XKR8: variants seen among roughly 807,000 people sequenced by gnomAD.
XKR8 encodes the protein XK related 8.
A neutral mutation model predicts 17.1 loss-of-function variants in XKR8; 10 were observed. The ratio of observed to expected loss-of-function variants is 0.59; its 90% CI spans 0.36 to 0.99. XKR8 has a LOEUF of 0.99. XKR8 is among the 50% of genes least tolerant of loss of function. The probability of loss-of-function intolerance (pLI) is 0.01; values close to 1 mark genes in which losing one functional copy is unlikely to be tolerated. For synonymous variants in XKR8, 213 were observed against 251.9 expected (o/e 0.85, Z 1.46); for missense variants, 411 against 515.6 (o/e 0.80, Z 1.96).
intron 1 of XKR8, 101 bp from the exon 2 acceptor site, chr1:27,963,396 G>A (rs1638507752): frequency 1.4e-6 from 2 of 1,389,264 alleles, no homozygotes; most frequent in Admixed American, 4.8e-5. Flanking sequence ...TGGATGTGAG[G>A]AGACAGGTTG....
chr1:27,966,483 T>A lies in XKR8; in HGVS notation c.491-20T>A. 6.3e-7 allele frequency: 1 copy of A among 1,593,130 alleles called. No homozygotes were observed. Among genetic ancestry groups the A allele is most frequent in the Non-Finnish European group, 8.6e-7 (1 of 1,167,028 alleles). The stretch of plus-strand genomic sequence containing the variant: ...AGCAGGCTGGCCCCAGGACTCACTG[T>A]TCCCTCCTACTCTTTGCAGGGGTTG... On this transcript the variant is annotated intron_variant, in intron 2 of 2. Transcript: ENST00000373884. The surrounding 1 kb of genome is among the most constrained non-coding windows in gnomAD (Gnocchi z 4.3).
rs530571027 is a variant in XKR8 at position 27,961,972 on chromosome 1, CTCCA to C, written c.294-1521_294-1518del. On this transcript the variant is annotated intron_variant, in intron 1 of 2. Coordinates refer to ENST00000373884, the MANE Select transcript of XKR8 (RefSeq NM_018053.4). The stretch of plus-strand genomic sequence containing the variant: ...TGGACTCTCTTAACTCCGCCCCAAT[CTCCA>C]TCCTTAACCACTCAGGGCCAGCCTC... Among the ~76,000 whole-genome samples the C allele has an allele frequency of 1.8e-4, 27 of 152,196 alleles. 1 individual carries two copies. The highest frequency in any genetic ancestry group is 5.9e-5 in the Non-Finnish European group (4 of 68,042).
chr1:27,962,078 T>A (rs1638479403), intron 1 of XKR8, among the ~76,000 whole-genome samples: 1 of 152,146 alleles, frequency 6.6e-6, no homozygotes, highest in African/African-American at 2.4e-5. Flanking sequence ...CAGAGTCTGA[T>A]TCCATCTGGC....
In XKR8 at chr1:27,966,429, A is replaced by G; in HGVS notation, c.491-74A>G. ...CCCCAGGGTTGCTGGGAGGGCCCCC[A>G]CGGTACCTGTGACCGCTGGGGAGTG... On this transcript the variant is annotated intron_variant, in intron 2 of 2. Transcript: ENST00000373884. This position sits in a 1 kb window ranked among gnomAD's most constrained non-coding sequence, Gnocchi z 4.3. 1.4e-6 allele frequency: 2 copies of G among 1,467,562 alleles called. No individual in the cohort carries two copies. The highest frequency in any genetic ancestry group is 1.9e-6 in the Non-Finnish European group (2 of 1,077,860). The allele number at this position is 1,467,562 out of a possible 1,614,324, so 90.9% of individuals were successfully genotyped here.
Position 27,963,431 on chromosome 1 carries a change from G to C in XKR8, c.294-66G>C, listed in dbSNP as rs1638508436. On this transcript the variant is annotated intron_variant, in intron 1 of 2. Transcript: ENST00000373884. ...GGAGCCTGTGTCCACTCATTAGATG[G>C]GTGGGAGGCTGAGGAATTCACAGGA... 1.0e-5 allele frequency: 16 copies of C among 1,525,746 alleles called. 1 individual carries two copies. In the South Asian group the frequency reaches 1.9e-4, roughly 18 times the overall value. 94.5% of individuals were successfully genotyped at this position (1,525,746 alleles called of 1,614,324 possible).
At position 27,965,518 on chromosome 1, in the gene XKR8, G is replaced by T. The variant is rs1638551490; in HGVS notation, c.491-985G>T. The stretch of plus-strand genomic sequence containing the variant: ...TGAGTGGGTGGCATGGGGTCAGGGT[G>T]GGTGACTCCCGGGGCTCTTCAAGCT... On this transcript the variant is annotated intron_variant, in intron 2 of 2. Transcript: ENST00000373884. The surrounding 1 kb of genome is among the most constrained non-coding windows in gnomAD (Gnocchi z 4.1). Among the ~76,000 whole-genome samples, 1 of 152,138 alleles carries T rather than the reference G, an allele frequency of 6.6e-6. No homozygotes were observed. The highest frequency in any genetic ancestry group is 6.6e-5 in the Admixed American group (1 of 15,266).
chr1:27,961,381 G>A (rs944223884), intron 1 of XKR8, among the ~76,000 whole-genome samples: 4 of 152,210 alleles, frequency 2.6e-5, no homozygotes, highest in Admixed American at 2.6e-4. Flanking sequence ...TCTTGAATCC[G>A]TTTTTACAAA....
chr1:27,961,516 G>A (rs1309511770), intron 1 of XKR8, among the ~76,000 whole-genome samples: 1 of 152,234 alleles, frequency 6.6e-6, no homozygotes, highest in African/African-American at 2.4e-5. Flanking sequence ...GGGCATGAAG[G>A]GGTGCAGTTG....
At position 27,960,271 on chromosome 1, in the gene XKR8, C is replaced by G; in HGVS notation, c.202C>G (p.Leu68Val). 6.6e-7 allele frequency: 1 copy of G among 1,520,336 alleles called. No individual in the cohort carries two copies. 94.2% of individuals were successfully genotyped at this position (1,520,336 alleles called of 1,614,324 possible). A position where few individuals can be genotyped will look rare whatever the true frequency, so the allele number is the denominator to read the frequency against. Residue 68 changes from leucine to valine, a missense_variant, in exon 1 of 3, where the codon CTG becomes GTG. Transcript: ENST00000373884. The surrounding 1 kb of genome is among the most constrained non-coding windows in gnomAD (Gnocchi z 5.9). ...GCTGCAGCTCTTCAGCTGGCTCTGG[C>G]TGCGCGCTGACCCTGCCGGCCTGCA... Reference protein sequence around the residue: ...VALQLFSWLWLRADPAGLHGS... With the variant: ...VALQLFSWLWVRADPAGLHGS...
chr1:27,966,885 C>G lies in XKR8; in HGVS notation c.873C>G (p.Phe291Leu). 6.2e-7 allele frequency: 1 copy of G among 1,614,234 alleles called. No individual in the cohort carries two copies. The highest frequency in any genetic ancestry group is 1.1e-5 in the South Asian group (1 of 91,088). Reference protein sequence around the residue: ...TRGRAIIHFAFLLSDSILLVA... With the variant: ...TRGRAIIHFALLLSDSILLVA... ...GCCGGGCCATCATCCACTTCGCCTT[C>G]CTCCTGAGTGACAGCATTCTCCTGG... The change falls in exon 3 of 3, where the codon TTC (phenylalanine) becomes TTG (leucine). Residue 291 changes from phenylalanine (F) to leucine (L), a missense_variant. Phe to Leu is a conservative substitution (Grantham distance 22). Transcript: ENST00000373884. This position sits in a 1 kb window ranked among gnomAD's most constrained non-coding sequence, Gnocchi z 4.3.
intron 1 of XKR8, among the ~76,000 whole-genome samples, chr1:27,961,297 G>T (rs939745977): frequency 1.3e-5 from 2 of 152,212 alleles, no homozygotes. Context: ...CAAACCCAAG[G>T]CTCAGAGGCA....
chr1:27,966,793 T>C lies in XKR8; in HGVS notation c.781T>C (p.Tyr261His), dbSNP rs1264296064. The C allele has an allele frequency of 1.2e-6, 2 of 1,613,750 alleles. No individual in the cohort carries two copies. Among genetic ancestry groups the C allele is most frequent in the East Asian group, 2.2e-5 (1 of 44,884 alleles). The change falls in exon 3 of 3, where the codon TAC becomes CAC. Residue 261 changes from tyrosine (Y) to histidine (H), a missense_variant. Physicochemically the swap from Tyr to His is moderately conservative, Grantham distance 83. Transcript: ENST00000373884. The surrounding 1 kb of genome is among the most constrained non-coding windows in gnomAD (Gnocchi z 4.3). ...FMPDPSSEWL[Y>H]RVTVATILYF... ...GCCGGACCCCAGCTCCGAGTGGCTG[T>C]ACCGGGTGACGGTGGCCACCATCCT...
rs1638567520 is a variant in XKR8, at chr1:27,966,381, C to T, written c.491-122C>T. ...TCTCTAGCTGCAGATTTGCCTTCAACAAACGAGGGATTCTAATACCTACCC... is the reference window on the plus strand; with the variant it reads ...TCTCTAGCTGCAGATTTGCCTTCAATAAACGAGGGATTCTAATACCTACCC... On this transcript the variant is annotated intron_variant, in intron 2 of 2. Transcript: ENST00000373884. The surrounding 1 kb of genome is among the most constrained non-coding windows in gnomAD (Gnocchi z 4.3). 4 of 972,742 alleles carry T rather than the reference C, an allele frequency of 4.1e-6. 1 individual carries two copies. In the South Asian group the frequency reaches 5.0e-5, roughly 12 times the overall value. 60.3% of individuals were successfully genotyped at this position (972,742 alleles called of 1,614,324 possible).
intron 2 of XKR8, among the ~76,000 whole-genome samples, chr1:27,964,560 C>T (rs1193177422): frequency 6.6e-6 from 1 of 152,096 alleles, no homozygotes; most frequent in African/African-American, 2.4e-5. Flanking sequence ...CTCTTCTGTG[C>T]CTGTTACTGT....
chr1:27,963,760 T>G, intron 2 of XKR8, 67 bp downstream of exon 2: 2 of 1,419,162 alleles, frequency 1.4e-6, no homozygotes, highest in Non-Finnish European at 9.4e-7. Context: ...ATGTTGGAAC[T>G]GTTTTTAGTC....
Position 27,959,995 on chromosome 1 carries a change from C to T in XKR8, c.-75C>T. On this transcript the variant is annotated 5_prime_UTR_variant, in exon 1 of 3. Coordinates refer to ENST00000373884, the MANE Select transcript of XKR8 (RefSeq NM_018053.4). ...CCCGAGGGCTGCGCCCACCTCCTTCCTGCCTCGGCAACCCCGGGCCCTGAG... is the reference window on the plus strand; with the variant it reads ...CCCGAGGGCTGCGCCCACCTCCTTCTTGCCTCGGCAACCCCGGGCCCTGAG... 1 of 1,311,784 alleles carries T rather than the reference C, an allele frequency of 7.6e-7. No individual in the cohort carries two copies. Among genetic ancestry groups the T allele is most frequent in the African/African-American group, 1.6e-5 (1 of 64,282 alleles). 81.3% of individuals were successfully genotyped at this position (1,311,784 alleles called of 1,614,324 possible).
intron 2 of XKR8, among the ~76,000 whole-genome samples, chr1:27,964,959 C>T (rs1219285404): frequency 1.3e-5 from 2 of 152,176 alleles, no homozygotes; most frequent in Admixed American, 6.5e-5. Flanking sequence ...GGAGGTTGGA[C>T]TCGATCTCCA....
At chr1:27,964,391 A>G (rs559791124) in intron 2 of XKR8, among the ~76,000 whole-genome samples, 3 of 152,128 alleles carry the variant, frequency 2.0e-5, no homozygotes, top group South Asian at 2.1e-4. Flanking sequence ...TTAAGAAACA[A>G]TTTCATACGT....
chr1:27,966,382 A>C lies in XKR8; in HGVS notation c.491-121A>C. 1 of 979,118 alleles carries C rather than the reference A, an allele frequency of 1.0e-6. No homozygotes were observed. The highest frequency in any genetic ancestry group is 2.5e-5 in the East Asian group (1 of 40,024). 60.7% of individuals were successfully genotyped at this position (979,118 alleles called of 1,614,324 possible). On this transcript the variant is annotated intron_variant, in intron 2 of 2. Coordinates refer to ENST00000373884, the MANE Select transcript of XKR8 (RefSeq NM_018053.4). This position sits in a 1 kb window ranked among gnomAD's most constrained non-coding sequence, Gnocchi z 4.3. ...CTCTAGCTGCAGATTTGCCTTCAAC[A>C]AACGAGGGATTCTAATACCTACCCC...
Sources: allele counts gnomAD v4.1 joint callset (sites outside exome capture counted in the v4.1 genomes callset), GRCh38; gene constraint gnomAD v4.1.1; non-coding constraint Gnocchi (gnomAD v3.1); transcripts MANE v1.5; gene names NCBI Gene and HGNC (gene_info 2026-07-23, HGNC 2026-07-21).